The following MYO3B variants were observed in gnomAD, a reference collection of about 807,000 sequenced individuals.
The protein encoded by MYO3B is myosin-IIIb.
Under a neutral mutation model 174.6 loss-of-function variants are expected in MYO3B, and 156 were observed. That is an observed-to-expected ratio of 0.89 (90% CI 0.78 to 1.02). The LOEUF (loss-of-function observed/expected upper bound fraction) is 1.02. Ranked by LOEUF, MYO3B falls within the 50% of genes least tolerant of loss-of-function variation. The pLI is 0.00. For synonymous variants in MYO3B, 563 were observed against 569.1 expected (o/e 0.99, Z 0.15); for missense variants, 1,632 against 1,639.4 (o/e 1.00, Z 0.08).
chr2:170,281,464 T>C (rs2105393822), intron 7 of MYO3B, among the ~76,000 whole-genome samples: 1 of 152,222 alleles, frequency 6.6e-6, no homozygotes, highest in Non-Finnish European at 1.5e-5. Context: ...ACTAAGCAAA[T>C]TGCTCAAAAT....
intron 3 of MYO3B, among the ~76,000 whole-genome samples, chr2:170,211,544 T>C (rs1216250163): frequency 6.6e-6 from 1 of 152,158 alleles, no homozygotes; most frequent in Non-Finnish European, 1.5e-5. Flanking sequence ...TAAGCAATTC[T>C]TACAAAATTT....
chr2:170,329,024 T>C (rs1331807496), intron 7 of MYO3B, among the ~76,000 whole-genome samples: 1 of 151,842 alleles, frequency 6.6e-6, no homozygotes, highest in African/African-American at 2.4e-5. Context: ...TGATGGCAGG[T>C]GTCTGTAATC....
At chr2:170,631,053 T>C (rs1407742190) in intron 32 of MYO3B, among the ~76,000 whole-genome samples, 1 of 152,184 alleles carries the variant, frequency 6.6e-6, no homozygotes, top group Non-Finnish European at 1.5e-5. Context: ...GGACGGAGAA[T>C]GACTTTGACG....
At chr2:170,364,854 G>C (rs2094186524) in intron 8 of MYO3B, among the ~76,000 whole-genome samples, 1 of 152,144 alleles carries the variant, frequency 6.6e-6, no homozygotes, top group Admixed American at 6.6e-5. Flanking sequence ...AGTTAAAGTT[G>C]GTAAAGGGAC....
At position 170,557,240 on chromosome 2, in the gene MYO3B, C is replaced by T. The variant is rs532269840; in HGVS notation, c.3733+13252C>T. Among the ~76,000 whole-genome samples the T allele has an allele frequency of 1.3e-4, 19 of 151,710 alleles. No homozygotes were observed. The East Asian group carries it at 3.3e-3, about 26-fold the overall frequency. On this transcript the variant is annotated intron_variant, in intron 32 of 34. Coordinates refer to ENST00000408978, the MANE Select transcript of MYO3B (RefSeq NM_138995.5). ...CTGCAAGCTCCGCCTCCTGGGTTCA[C>T]GCCATTCTTCTGCCTCAGCTTCCGG...
At position 170,369,302 on chromosome 2, in the gene MYO3B, A is replaced by G. The variant is rs2094222221; in HGVS notation, c.896A>G (p.Lys299Arg). Residue 299 changes from lysine to arginine, a missense_variant, in exon 9 of 35, where the codon AAA (lysine) becomes AGA (arginine). Physicochemically the swap from Lys to Arg is conservative, Grantham distance 26 (BLOSUM62 2). Coordinates refer to ENST00000408978, the MANE Select transcript of MYO3B (RefSeq NM_138995.5). ...DHPFIKGVHG[K>R]VLFLQKQLAK... is the part of the protein sequence containing the mutation. Reference sequence around the variant, plus strand: ...CCATTTATTAAAGGAGTACATGGAAAAGTTCTGTTTCTGCAAAAACAGCTG... The same window carrying G: ...CCATTTATTAAAGGAGTACATGGAAGAGTTCTGTTTCTGCAAAAACAGCTG... 1 of 1,613,750 alleles carries G rather than the reference A, an allele frequency of 6.2e-7. No homozygotes were observed. Among genetic ancestry groups the G allele is most frequent in the African/African-American group, 1.3e-5 (1 of 74,916 alleles).
At chr2:170,615,253 C>A (rs1695380697) in intron 32 of MYO3B, among the ~76,000 whole-genome samples, 1 of 152,244 alleles carries the variant, frequency 6.6e-6, no homozygotes, top group Admixed American at 6.5e-5. Flanking sequence ...ACCAAACCCA[C>A]TTCTAGGCAC....
intron 1 of MYO3B, among the ~76,000 whole-genome samples, chr2:170,185,831 T>G (rs1262966569): frequency 6.6e-6 from 1 of 150,410 alleles, no homozygotes; most frequent in Non-Finnish European, 1.5e-5. Context: ...TCATCAGTGT[T>G]TTATAGTTTT....
chr2:170,432,653 T>A (rs1051310731), intron 22 of MYO3B, among the ~76,000 whole-genome samples: 2 of 151,708 alleles, frequency 1.3e-5, no homozygotes, highest in African/African-American at 2.4e-5. Flanking sequence ...CTCGGCTCAC[T>A]GCAAGCTCCG....
chr2:170,429,451 C>T (rs1325061300), intron 22 of MYO3B, among the ~76,000 whole-genome samples: 2 of 152,194 alleles, frequency 1.3e-5, no homozygotes, highest in East Asian at 1.9e-4. Context: ...CTTATGATAC[C>T]TTAGCAAAGC....
Position 170,364,838 on chromosome 2 carries a change from T to C in MYO3B, c.816-4384T>C, listed in dbSNP as rs13401143. On this transcript the variant is annotated intron_variant, in intron 8 of 34. Transcript: ENST00000408978. ...ACAAAGTCTTAAGCAACAACAATTA[T>C]ACCTTAGTTAAAGTTGGTAAAGGGA... is the stretch of plus-strand genomic sequence containing the variant. Among the ~76,000 whole-genome samples the C allele has an allele frequency of 6.8e-3, 1,042 of 152,292 alleles. 14 individuals carry two copies. The highest frequency in any genetic ancestry group is 0.024 in the African/African-American group (1,005 of 41,558).
At chr2:170,491,497 C>T (rs143256593) in intron 25 of MYO3B, among the ~76,000 whole-genome samples, 17,362 of 152,118 alleles carry the variant, frequency 0.11, 1,236 homozygotes, top group South Asian at 0.23. Flanking sequence ...GCGATCTCTG[C>T]TCACTGCAAG....
chr2:170,395,606 A>G (rs892596502), intron 16 of MYO3B, among the ~76,000 whole-genome samples: 11 of 152,216 alleles, frequency 7.2e-5, no homozygotes, highest in Non-Finnish European at 1.2e-4. Flanking sequence ...ATGACAGACA[A>G]TAGGATACCA....
chr2:170,542,340 A>G (rs1422377110), intron 30 of MYO3B, among the ~76,000 whole-genome samples: 3 of 152,220 alleles, frequency 2.0e-5, no homozygotes, highest in Non-Finnish European at 4.4e-5. Context: ...TTAGGATTTT[A>G]TTAGATGTTA....
At position 170,630,165 on chromosome 2, in the gene MYO3B, G is replaced by A. The variant is rs185504501; in HGVS notation, c.3734-21463G>A. Among the ~76,000 whole-genome samples, 12 of 152,322 alleles carry A rather than the reference G, an allele frequency of 7.9e-5. 1 individual carries two copies. Among genetic ancestry groups the A allele is most frequent in the East Asian group, 5.8e-4 (3 of 5,178 alleles). On this transcript the variant is annotated intron_variant, in intron 32 of 34. Coordinates refer to ENST00000408978, the MANE Select transcript of MYO3B (RefSeq NM_138995.5). ...TTCCCTTTCCTAGCCAAGGGAAACC[G>A]TGACAGACTGTACCAGGAAAATCGG... is the stretch of plus-strand genomic sequence containing the variant.
At chr2:170,419,809 G>A (rs924921356) in intron 22 of MYO3B, among the ~76,000 whole-genome samples, 3 of 152,280 alleles carry the variant, frequency 2.0e-5, no homozygotes, top group East Asian at 1.9e-4. Flanking sequence ...CTCCAAGCCC[G>A]TGAAAGCCAT....
intron 22 of MYO3B, among the ~76,000 whole-genome samples, chr2:170,434,508 T>G (rs1574973291): frequency 1.3e-5 from 2 of 152,248 alleles, no homozygotes; most frequent in East Asian, 3.9e-4. Flanking sequence ...TGGCTAGGGT[T>G]AGACCACACA....
rs545267621 is a variant in MYO3B, at chr2:170,293,558, C to T, written c.750-41827C>T. Among the ~76,000 whole-genome samples, 17 of 152,164 alleles carry T rather than the reference C, an allele frequency of 1.1e-4. 1 individual carries two copies. The South Asian group carries it at 1.7e-3, about 15-fold the overall frequency. ...CAACCTCTTCTCTGTCTGCAATCTCCGTGGTACTGTCTGGCTTCCTGCAAT... is the reference window on the plus strand; with the variant it reads ...CAACCTCTTCTCTGTCTGCAATCTCTGTGGTACTGTCTGGCTTCCTGCAAT... On this transcript the variant is annotated intron_variant, in intron 7 of 34. Coordinates refer to ENST00000408978, the MANE Select transcript of MYO3B (RefSeq NM_138995.5).
intron 32 of MYO3B, among the ~76,000 whole-genome samples, chr2:170,612,493 A>C (rs921962195): frequency 5.3e-5 from 8 of 151,852 alleles, no homozygotes; most frequent in South Asian, 2.1e-4. Context: ...TAACTGCTAA[A>C]CTCCATAAGG....
Sources: gnomAD v4.1 joint callset for allele counts (sites outside exome capture counted in the v4.1 genomes callset) on GRCh38, gnomAD v4.1.1 for gene constraint, MANE v1.5 for transcripts, NCBI Gene and HGNC (gene_info 2026-07-23, HGNC 2026-07-21) for gene names.